Variants in TMEM163 observed in about 807,000 individuals in gnomAD.
TMEM163 encodes the protein transmembrane protein 163.
Under a neutral mutation model 29.3 loss-of-function variants are expected in TMEM163, and 17 were observed. That is an observed-to-expected ratio of 0.58 (90% CI 0.40 to 0.87). The LOEUF (loss-of-function observed/expected upper bound fraction) is 0.87, where lower values mean the gene tolerates loss of function less well. Among genes scored for constraint, TMEM163 ranks in the 40% least tolerant of loss-of-function variants. The pLI is 0.00. For missense variants in TMEM163, 303 were observed against 381.5 expected (o/e 0.79, Z 1.71); for synonymous variants, 157 against 160.6 (o/e 0.98, Z 0.17).
At chr2:134,592,676 G>A (rs563603838) in intron 2 of TMEM163, among the ~76,000 whole-genome samples, 9 of 152,192 alleles carry the variant, frequency 5.9e-5, no homozygotes, top group African/African-American at 2.2e-4. Flanking sequence ...GGTTGGGGAG[G>A]GGGTTGTTCA....
At chr2:134,708,150 G>A (rs1684858509) in intron 2 of TMEM163, among the ~76,000 whole-genome samples, 1 of 152,138 alleles carries the variant, frequency 6.6e-6, no homozygotes, top group South Asian at 2.1e-4. Context: ...GCCTCCCAGA[G>A]TGCTGGGATT....
chr2:134,593,398 A>C (rs1681982400), intron 2 of TMEM163, among the ~76,000 whole-genome samples: 1 of 129,178 alleles, frequency 7.7e-6, no homozygotes, highest in South Asian at 2.4e-4. Context: ...AGACTGCAGA[A>C]AAGAGCAGGC....
intron 6 of TMEM163, among the ~76,000 whole-genome samples, chr2:134,463,014 G>A (rs888493200): frequency 2.0e-5 from 3 of 152,242 alleles, no homozygotes; most frequent in Admixed American, 1.3e-4. Flanking sequence ...GGAACCAGCC[G>A]AGGAGCTGCC....
intron 2 of TMEM163, among the ~76,000 whole-genome samples, chr2:134,694,959 A>C (rs1032578087): frequency 6.6e-6 from 1 of 152,260 alleles, no homozygotes; most frequent in Non-Finnish European, 1.5e-5. Context: ...AAAGAAAAAA[A>C]CTGGTGGTGA....
rs371499211 is a variant in TMEM163, at chr2:134,679,481, G to T, written c.322+33719C>A. Among the ~76,000 whole-genome samples, 10 of 152,000 alleles carry T rather than the reference G, an allele frequency of 6.6e-5. No homozygotes were observed. The East Asian group carries it at 1.2e-3, about 18-fold the overall frequency. ...ACCCACTTCAATCATTTTCACACCT[G>T]CCTGGCCCCTGTGAGAATTTACACT... On this transcript the variant is annotated intron_variant, in intron 2 of 7. Coordinates refer to ENST00000281924, the MANE Select transcript of TMEM163 (RefSeq NM_030923.5).
chr2:134,559,785 G>A (rs1681127616), intron 2 of TMEM163, among the ~76,000 whole-genome samples: 2 of 152,156 alleles, frequency 1.3e-5, no homozygotes, highest in Admixed American at 6.5e-5. Context: ...CTGCTGCTAT[G>A]GGGGTAGGGA....
chr2:134,550,239 G>A (rs1223499897), intron 4 of TMEM163, among the ~76,000 whole-genome samples: 1 of 152,092 alleles, frequency 6.6e-6, no homozygotes. Flanking sequence ...ATCTTACTTA[G>A]AAGAAAAACA....
intron 4 of TMEM163, among the ~76,000 whole-genome samples, chr2:134,548,051 C>A (rs1424885443): frequency 6.6e-6 from 1 of 152,006 alleles, no homozygotes; most frequent in Non-Finnish European, 1.5e-5. Context: ...ATTGGAAAAC[C>A]CTGAATTCAA....
At chr2:134,527,129 A>C (rs1267696878) in intron 4 of TMEM163, among the ~76,000 whole-genome samples, 1 of 152,206 alleles carries the variant, frequency 6.6e-6, no homozygotes, top group Non-Finnish European at 1.5e-5. Context: ...ACTATTTGTC[A>C]GTCATGACTA....
intron 5 of TMEM163, among the ~76,000 whole-genome samples, chr2:134,492,736 T>C (rs1380662054): frequency 6.6e-6 from 1 of 152,240 alleles, no homozygotes; most frequent in Non-Finnish European, 1.5e-5. Flanking sequence ...ACGATTTCTT[T>C]ATCCATTCAC....
chr2:134,514,097 G>A (rs1225309272), intron 4 of TMEM163, among the ~76,000 whole-genome samples: 1 of 152,220 alleles, frequency 6.6e-6, no homozygotes, highest in African/African-American at 2.4e-5. Flanking sequence ...TGAGGTTAAA[G>A]AAGAAGGGGA....
chr2:134,571,289 C>G (rs972247978), intron 2 of TMEM163, among the ~76,000 whole-genome samples: 1 of 152,052 alleles, frequency 6.6e-6, no homozygotes, highest in Non-Finnish European at 1.5e-5. Context: ...TTCCATTGAC[C>G]CTTTCTTGCT....
At chr2:134,699,266 G>A (rs926721226) in intron 2 of TMEM163, among the ~76,000 whole-genome samples, 1 of 152,190 alleles carries the variant, frequency 6.6e-6, no homozygotes, top group Admixed American at 6.5e-5. Flanking sequence ...TACTTTGGGA[G>A]GCCAAGGCGG....
chr2:134,697,891 G>C (rs1684616003), intron 2 of TMEM163, among the ~76,000 whole-genome samples: 1 of 152,106 alleles, frequency 6.6e-6, no homozygotes, highest in African/African-American at 2.4e-5. Context: ...TAAATTCTCT[G>C]TTGCCTTTGA....
At chr2:134,548,257 A>C (rs72984229) in intron 4 of TMEM163, among the ~76,000 whole-genome samples, 19,048 of 152,234 alleles carry the variant, frequency 0.13, 2,634 homozygotes, top group African/African-American at 0.34. Context: ...CCAATATATC[A>C]AAAATATTCT....
chr2:134,642,408 G>T (rs970207641), intron 2 of TMEM163, among the ~76,000 whole-genome samples: 1 of 152,014 alleles, frequency 6.6e-6, no homozygotes, highest in Non-Finnish European at 1.5e-5. Context: ...GGCATTACAG[G>T]CACGAGCCAC....
At chr2:134,650,004 T>TAAAAAA (rs1319130397) in intron 2 of TMEM163, among the ~76,000 whole-genome samples, 2 of 97,564 alleles carry the variant, frequency 2.0e-5, no homozygotes, top group Non-Finnish European at 3.8e-5. Context: ...GACCCTGTCT[T>TAAAAAA]AAAAAAAAAA....
At chr2:134,484,938 C>T (rs2106480647) in intron 5 of TMEM163, among the ~76,000 whole-genome samples, 1 of 152,268 alleles carries the variant, frequency 6.6e-6, no homozygotes, top group East Asian at 1.9e-4. Flanking sequence ...CTATAATAAG[C>T]CTTGTAGAAC....
At chr2:134,662,188 G>C (rs1209330456) in intron 2 of TMEM163, among the ~76,000 whole-genome samples, 1 of 152,128 alleles carries the variant, frequency 6.6e-6, no homozygotes, top group East Asian at 1.9e-4. Context: ...GCCCGCCTCA[G>C]CCTCCCAAAG....
Sources: allele counts gnomAD v4.1 joint callset (sites outside exome capture counted in the v4.1 genomes callset), GRCh38; gene constraint gnomAD v4.1.1; transcripts MANE v1.5; gene names NCBI Gene and HGNC (gene_info 2026-07-23, HGNC 2026-07-21).